The following GRID1 variants were observed in gnomAD, a reference collection of about 807,000 sequenced individuals.
GRID1 encodes the protein glutamate ionotropic receptor delta type subunit 1.
In GRID1, 28 loss-of-function variants were observed where a neutral mutation model predicts 98.0. That is an observed-to-expected ratio of 0.29 (90% CI 0.21 to 0.39). GRID1 has a LOEUF of 0.39. Ranked by LOEUF, GRID1 falls within the 10% of genes least tolerant of loss-of-function variation. The probability of loss-of-function intolerance (pLI) is 1.00; values close to 1 mark genes in which losing one functional copy is unlikely to be tolerated. For missense variants in GRID1, 1,111 were observed against 1,340.5 expected, an observed-to-expected ratio of 0.83 and a Z score of 2.67; for synonymous variants, 553 against 538.5, an observed-to-expected ratio of 1.03 and a Z score of -0.37.
At chr10:86,036,181 C>G (rs1024557914) in intron 4 of GRID1, among the ~76,000 whole-genome samples, 1 of 152,200 alleles carries the variant, frequency 6.6e-6, no homozygotes, top group African/African-American at 2.4e-5. Flanking sequence ...CCTGGGCAGA[C>G]TGGTACTGGG....
At position 85,613,543 on chromosome 10, in the gene GRID1, T is replaced by G. The variant is rs1440338138; in HGVS notation, c.2465A>C (p.Asp822Ala). The change falls in exon 15 of 16, where the codon GAC becomes GCC. Residue 822 changes from aspartate to alanine, a missense_variant. Coordinates refer to ENST00000327946, the MANE Select transcript of GRID1 (RefSeq NM_017551.3). ...GCTGTGCAGCTTGAGGGATTTGCCG[T>G]CGGCCTGGGCGCTGGCATGGCTGGT... Reference protein sequence around the residue: ...DLTSHASAQADGKSLKLHSFA... With the variant: ...DLTSHASAQAAGKSLKLHSFA... The G allele has an allele frequency of 6.2e-7, 1 of 1,614,186 alleles. No homozygotes were observed. Among genetic ancestry groups the G allele is most frequent in the Non-Finnish European group, 8.5e-7 (1 of 1,180,032 alleles).
chr10:86,332,426 C>A (rs1848157760), intron 2 of GRID1, among the ~76,000 whole-genome samples: 1 of 152,118 alleles, frequency 6.6e-6, no homozygotes, highest in Admixed American at 6.5e-5. Context: ...GCCACTCAGC[C>A]TCAGAGCTCC....
At chr10:86,050,824 T>G (rs1843491230) in intron 4 of GRID1, among the ~76,000 whole-genome samples, 1 of 151,714 alleles carries the variant, frequency 6.6e-6, no homozygotes, top group South Asian at 2.1e-4. Flanking sequence ...GGCTGTGTTT[T>G]GGGCACTAGA....
chr10:86,046,231 G>C (rs116496313), intron 4 of GRID1, among the ~76,000 whole-genome samples: 2,641 of 152,262 alleles, frequency 0.017, 78 homozygotes, highest in African/African-American at 0.06. Context: ...GAACCTACAA[G>C]TAATTAAAAG....
At chr10:86,207,198 G>A (rs754970481) in intron 2 of GRID1, among the ~76,000 whole-genome samples, 2 of 151,930 alleles carry the variant, frequency 1.3e-5, no homozygotes, top group Admixed American at 6.5e-5. Context: ...CCAAGATGTA[G>A]GAAAAAAATA....
intron 4 of GRID1, among the ~76,000 whole-genome samples, chr10:86,066,989 A>G (rs1284021318): frequency 1.3e-5 from 2 of 152,228 alleles, no homozygotes; most frequent in African/African-American, 4.8e-5. Context: ...GCCTCCAGAT[A>G]GGACTCACCT....
chr10:86,140,757 G>A (rs1589385556), intron 3 of GRID1, among the ~76,000 whole-genome samples: 2 of 152,332 alleles, frequency 1.3e-5, no homozygotes, highest in Admixed American at 1.3e-4. Context: ...TTGAGCCTGA[G>A]GGGCTGTCTG....
At position 86,272,093 on chromosome 10, in the gene GRID1, C is replaced by A. The variant is rs12217437; in HGVS notation, c.236-65445G>T. ...ATGACAGTAAATTTCTTATCAGAAA[C>A]AATACAAATAGAAGACAATGGAGAA... is the stretch of plus-strand genomic sequence containing the variant. On this transcript the variant is annotated intron_variant, in intron 2 of 15. Transcript: ENST00000327946. 1.4e-4 allele frequency among the ~76,000 whole-genome samples: 21 copies of A among 151,894 alleles called. No individual in the cohort carries two copies. In the East Asian group the frequency reaches 3.3e-3, roughly 24 times the overall value.
chr10:85,863,875 T>C (rs927831116), intron 6 of GRID1, among the ~76,000 whole-genome samples: 2 of 152,198 alleles, frequency 1.3e-5, no homozygotes, highest in Non-Finnish European at 2.9e-5. Context: ...CAGGGAATTG[T>C]TGTGCATCCG....
At chr10:85,649,829 T>A (rs1249840033) in intron 12 of GRID1, among the ~76,000 whole-genome samples, 1 of 152,124 alleles carries the variant, frequency 6.6e-6, no homozygotes, top group African/African-American at 2.4e-5. Flanking sequence ...GACCTCACTG[T>A]TCCCACCCCA....
intron 3 of GRID1, among the ~76,000 whole-genome samples, chr10:86,162,502 T>C (rs955946793): frequency 2.6e-5 from 4 of 152,192 alleles, no homozygotes; most frequent in African/African-American, 9.7e-5. Flanking sequence ...CAGCCAATCT[T>C]GTTTGTCTTC....
At chr10:86,228,223 G>C (rs192013458) in intron 2 of GRID1, among the ~76,000 whole-genome samples, 1 of 148,260 alleles carries the variant, frequency 6.7e-6, no homozygotes. Flanking sequence ...GTAGGTGGCC[G>C]GATGGATGTG....
intron 8 of GRID1, among the ~76,000 whole-genome samples, chr10:85,744,415 T>C (rs9732599): frequency 0.12 from 17,414 of 151,352 alleles, 1,296 homozygotes; most frequent in African/African-American, 0.22. Flanking sequence ...GAAATAACGC[T>C]GCATATCTAC....
intron 4 of GRID1, among the ~76,000 whole-genome samples, chr10:86,041,509 C>T (rs369874578): frequency 6.6e-6 from 1 of 152,094 alleles, no homozygotes; most frequent in Non-Finnish European, 1.5e-5. Flanking sequence ...TTGCAGGTGC[C>T]GATGGATTGC....
chr10:86,082,374 C>A (rs1843989547), intron 4 of GRID1, among the ~76,000 whole-genome samples: 1 of 152,196 alleles, frequency 6.6e-6, no homozygotes, highest in Admixed American at 6.5e-5. Context: ...CTGCCAACAG[C>A]ATTCCATTGC....
chr10:85,614,676 G>A (rs1842768925), intron 14 of GRID1, among the ~76,000 whole-genome samples: 2 of 152,162 alleles, frequency 1.3e-5, no homozygotes. Flanking sequence ...TGAGACTATT[G>A]GGTGATATGG....
intron 3 of GRID1, among the ~76,000 whole-genome samples, chr10:86,189,004 A>G (rs1178521947): frequency 6.6e-6 from 1 of 152,182 alleles, no homozygotes; most frequent in African/African-American, 2.4e-5. Flanking sequence ...GATCCACACC[A>G]GTGAAGAAGC....
At chr10:86,337,996 C>A (rs750699171) in intron 2 of GRID1, among the ~76,000 whole-genome samples, 3 of 152,236 alleles carry the variant, frequency 2.0e-5, no homozygotes, top group Non-Finnish European at 4.4e-5. Context: ...GCGTGAGCCA[C>A]CGTACCTGGC....
At chr10:85,780,154 T>C (rs1056441103) in intron 8 of GRID1, among the ~76,000 whole-genome samples, 7 of 152,184 alleles carry the variant, frequency 4.6e-5, no homozygotes, top group African/African-American at 1.7e-4. Flanking sequence ...TTGAGATCGT[T>C]GTCTAATCCC....
Sources: allele counts gnomAD v4.1 joint callset (sites outside exome capture counted in the v4.1 genomes callset), GRCh38; gene constraint gnomAD v4.1.1; transcripts MANE v1.5; gene names NCBI Gene and HGNC (gene_info 2026-07-23, HGNC 2026-07-21).